The following ADGRD1 variants were observed in gnomAD, a reference collection of about 807,000 sequenced individuals.
ADGRD1 encodes the protein adhesion G protein-coupled receptor D1.
In ADGRD1, 77 loss-of-function variants were observed where a neutral mutation model predicts 113.4. The observed-to-expected ratio is 0.68, with a 90% CI of 0.57 to 0.82. ADGRD1 has a LOEUF of 0.82. Among genes scored for constraint, ADGRD1 ranks in the 40% least tolerant of loss-of-function variants. The pLI, the probability that ADGRD1 is intolerant of heterozygous loss-of-function variation, is 0.00. For missense variants in ADGRD1, 1,036 were observed against 1,139.1 expected (o/e 0.91, Z 1.30); for synonymous variants, 474 against 475.0 (o/e 1.00, Z 0.03).
intron 23 of ADGRD1, chr12:131,137,508 G>C (rs936634341): frequency 3.9e-5 from 8 of 202,692 alleles, no homozygotes; most frequent in African/African-American, 1.9e-4. Flanking sequence ...TCCTGTGGGA[G>C]AACTTTTCCC....
At chr12:131,123,048 T>TG (rs1950639237) in intron 20 of ADGRD1, among the ~76,000 whole-genome samples, 2 of 122,366 alleles carry the variant, frequency 1.6e-5, no homozygotes, top group African/African-American at 3.3e-5. Flanking sequence ...AGTTTTTTTT[T>TG]TTTTTTTTTT....
chr12:131,135,532 C>G (rs1287964935), intron 21 of ADGRD1, among the ~76,000 whole-genome samples: 1 of 152,148 alleles, frequency 6.6e-6, no homozygotes, highest in African/African-American at 2.4e-5. Context: ...CTCGGGTGAT[C>G]AGCGGGGGAC....
chr12:131,053,847 C>T (rs776878015), intron 13 of ADGRD1, among the ~76,000 whole-genome samples: 6 of 152,158 alleles, frequency 3.9e-5, no homozygotes, highest in East Asian at 1.9e-4. Context: ...AGAGCAGCAC[C>T]GATAGCCCAC....
chr12:130,964,356 G>A (rs1044923796), intron 2 of ADGRD1, among the ~76,000 whole-genome samples: 1 of 152,130 alleles, frequency 6.6e-6, no homozygotes, highest in Non-Finnish European at 1.5e-5. Context: ...TGGTTCCAAT[G>A]TCTTTGTTGA....
rs1186321954 is a variant in ADGRD1 at position 131,096,737 on chromosome 12, G to A, written c.1672-8094G>A. Among the ~76,000 whole-genome samples the A allele has an allele frequency of 2.6e-5, 4 of 152,334 alleles. No homozygotes were observed. In the East Asian group the frequency reaches 7.7e-4, roughly 29 times the overall value. On this transcript the variant is annotated intron_variant, in intron 15 of 24. Coordinates refer to ENST00000261654, the MANE Select transcript of ADGRD1 (RefSeq NM_198827.5). This position sits in a 1 kb window ranked among gnomAD's most constrained non-coding sequence, Gnocchi z 5.2. ...GATGGGTTCCCGTGGGGCACTGCCA[G>A]TCCAGGTTTACATCGCCACAACTGT...
Position 131,122,927 on chromosome 12 carries a change from G to A in ADGRD1, c.2175+2014G>A, listed in dbSNP as rs73468802. On this transcript the variant is annotated intron_variant, in intron 20 of 24. Coordinates refer to ENST00000261654, the MANE Select transcript of ADGRD1 (RefSeq NM_198827.5). ...GAGTCCCTTTTGTCATTCCTGAGGGGACATTACCTTCAGGGCCCCACCCCC... is the reference window on the plus strand; with the variant it reads ...GAGTCCCTTTTGTCATTCCTGAGGGAACATTACCTTCAGGGCCCCACCCCC... 4.0e-3 allele frequency among the ~76,000 whole-genome samples: 609 copies of A among 151,946 alleles called. 5 individuals are homozygous for A. The highest frequency in any genetic ancestry group is 0.014 in the African/African-American group (581 of 41,442).
chr12:131,138,191 G>A lies in ADGRD1; in HGVS notation c.2491G>A (p.Ala831Thr), dbSNP rs146661482. 6.4e-5 allele frequency: 103 copies of A among 1,613,432 alleles called. No homozygotes were observed. Among genetic ancestry groups the A allele is most frequent in the Non-Finnish European group, 8.1e-5 (96 of 1,179,928 alleles). The change falls in exon 24 of 25, where the codon GCC becomes ACC. Residue 831 changes from alanine to threonine, a missense_variant. Transcript: ENST00000261654. The stretch of plus-strand genomic sequence containing the variant: ...GGTCTGGTCGCTCACGAGCAGCTCT[G>A]CCCGCACCTCCAACGCGAAGCCCTT... The part of the protein sequence containing the change: ...TKVWSLTSSS[A>T]RTSNAKPFHS...
chr12:131,007,119 C>G (rs1425236326), intron 12 of ADGRD1, among the ~76,000 whole-genome samples: 3 of 152,218 alleles, frequency 2.0e-5, no homozygotes, highest in African/African-American at 7.2e-5. Flanking sequence ...AAAGCGGCAT[C>G]CGTGCCACGG....
At chr12:131,108,898 G>T in intron 18 of ADGRD1, 21 bp downstream of exon 18, 1 of 1,489,934 alleles carries the variant, frequency 6.7e-7, no homozygotes, top group South Asian at 1.2e-5. Flanking sequence ...CAGGGCAGGT[G>T]GGATGGCGGG....
chr12:131,033,375 A>G (rs1218960116), intron 13 of ADGRD1, among the ~76,000 whole-genome samples: 1 of 152,210 alleles, frequency 6.6e-6, no homozygotes, highest in Non-Finnish European at 1.5e-5. Flanking sequence ...CCCAAGCACC[A>G]CATCTGTGCT....
At chr12:131,138,272 C>T (rs970028577) in intron 24 of ADGRD1, 43 bp downstream of exon 24, 2 of 1,546,456 alleles carry the variant, frequency 1.3e-6, no homozygotes, top group Non-Finnish European at 8.9e-7. Flanking sequence ...GCCCATCCTC[C>T]TTCCCCAGGC....
chr12:131,036,627 G>GA (rs2136956584), intron 13 of ADGRD1, among the ~76,000 whole-genome samples: 1 of 140,704 alleles, frequency 7.1e-6, no homozygotes, highest in Non-Finnish European at 1.5e-5. Flanking sequence ...ACCGCACCAG[G>GA]CCTCACTCAC....
chr12:130,963,294 T>C (rs1593261269), intron 2 of ADGRD1, among the ~76,000 whole-genome samples: 1 of 117,204 alleles, frequency 8.5e-6, no homozygotes. Flanking sequence ...CACTCCAGCC[T>C]GGGCGACAGA....
Position 131,096,866 on chromosome 12 carries a change from G to A in ADGRD1, c.1672-7965G>A, listed in dbSNP as rs12578973. Among the ~76,000 whole-genome samples, 39,266 of 152,142 alleles carry A rather than the reference G, an allele frequency of 0.26. 5,953 individuals carry two copies. The highest frequency in any genetic ancestry group is 0.44 in the South Asian group (2,120 of 4,814). On this transcript the variant is annotated intron_variant, in intron 15 of 24. Coordinates refer to ENST00000261654, the MANE Select transcript of ADGRD1 (RefSeq NM_198827.5). The surrounding 1 kb of genome is among the most constrained non-coding windows in gnomAD (Gnocchi z 5.2). The stretch of plus-strand genomic sequence containing the variant: ...GAGATCCACCTGCCTCCTGCTGCCC[G>A]GCTCTGCCTCCCACGGCCGACCACT...
chr12:130,969,975 A>G (rs1163656963), intron 3 of ADGRD1: 1 of 152,238 alleles, frequency 6.6e-6, no homozygotes, highest in Admixed American at 6.5e-5. Context: ...TGGAAAATTA[A>G]AGTTAATTTA....
intron 2 of ADGRD1, among the ~76,000 whole-genome samples, chr12:130,963,568 A>T (rs944469455): frequency 1.3e-5 from 2 of 152,314 alleles, no homozygotes; most frequent in African/African-American, 4.8e-5. Context: ...TCATCTTTTT[A>T]AAAATTAGAC....
rs1197227558 is a variant in ADGRD1, at chr12:131,075,728, C to T, written c.1474-1073C>T. On this transcript the variant is annotated intron_variant, in intron 13 of 24. Coordinates refer to ENST00000261654, the MANE Select transcript of ADGRD1 (RefSeq NM_198827.5). The surrounding 1 kb of genome is among the most constrained non-coding windows in gnomAD (Gnocchi z 5.3). ...TCCTGGGAAAGGAGGGGCTTTTGGT[C>T]GAGGCCAGGATGGCGCTCATGAGGG... Among the ~76,000 whole-genome samples the T allele has an allele frequency of 2.0e-5, 3 of 152,104 alleles. No individual in the cohort carries two copies. The highest frequency in any genetic ancestry group is 4.8e-5 in the African/African-American group (2 of 41,408).
In ADGRD1 at chr12:131,003,170, C is replaced by A; in HGVS notation, c.1027-15C>A. 6.3e-7 allele frequency: 1 copy of A among 1,593,978 alleles called. No individual in the cohort carries two copies. Among genetic ancestry groups the A allele is most frequent in the Non-Finnish European group, 8.6e-7 (1 of 1,161,880 alleles). On this transcript the variant is annotated splice_polypyrimidine_tract_variant and intron_variant, in intron 9 of 24. Transcript: ENST00000261654. This position sits in a 1 kb window ranked among gnomAD's most constrained non-coding sequence, Gnocchi z 4.8. ...GGGTGGATTTTCATGGCTCCTGGTG[C>A]TTGTGTTGCTGCAGGACAGCGCCGT... is the stretch of plus-strand genomic sequence containing the variant.
In ADGRD1 at chr12:131,139,308, C is replaced by T. The variant is rs1566148186; in HGVS notation, c.*45C>T. ...GGCCAGGCTGCGCTCAGAACACACC[C>T]CCCCAAACAGAATGAAATGCCCCAC... On this transcript the variant is annotated 3_prime_UTR_variant, in exon 25 of 25. Coordinates refer to ENST00000261654, the MANE Select transcript of ADGRD1 (RefSeq NM_198827.5). 1 of 1,313,192 alleles carries T rather than the reference C, an allele frequency of 7.6e-7. No homozygotes were observed. Among genetic ancestry groups the T allele is most frequent in the East Asian group, 2.4e-5 (1 of 41,518 alleles). 81.3% of individuals were successfully genotyped at this position (1,313,192 alleles called of 1,614,324 possible). A position where few individuals can be genotyped will look rare whatever the true frequency, so the allele number is the denominator to read the frequency against.
Sources: gnomAD v4.1 joint callset for allele counts (sites outside exome capture counted in the v4.1 genomes callset) on GRCh38, gnomAD v4.1.1 for gene constraint, Gnocchi (gnomAD v3.1) non-coding constraint, MANE v1.5 for transcripts, NCBI Gene and HGNC (gene_info 2026-07-23, HGNC 2026-07-21) for gene names.